Variants in ZNF385D observed in about 807,000 individuals in gnomAD.
ZNF385D encodes zinc finger protein 385D.
A neutral mutation model predicts 35.8 loss-of-function variants in ZNF385D; 15 were observed. The ratio of observed to expected loss-of-function variants is 0.42; its 90% confidence interval spans 0.28 to 0.64. The LOEUF (loss-of-function observed/expected upper bound fraction) is 0.64. ZNF385D is among the 30% of genes least tolerant of loss of function. ZNF385D has a pLI of 0.23. For synonymous variants in ZNF385D, 212 were observed against 186.8 expected (o/e 1.13, Z -1.10); for missense variants, 474 against 494.6 (o/e 0.96, Z 0.39).
At chr3:22,030,045 A>G (rs1697838141) in intron 3 of ZNF385D, among the ~76,000 whole-genome samples, 1 of 151,534 alleles carries the variant, frequency 6.6e-6, no homozygotes, top group Non-Finnish European at 1.5e-5. Flanking sequence ...GCCAGCAAAT[A>G]TAAAGCATGC....
At chr3:21,945,155 T>TATAC (rs753082714) in intron 3 of ZNF385D, among the ~76,000 whole-genome samples, 5 of 94,038 alleles carry the variant, frequency 5.3e-5, no homozygotes, top group African/African-American at 1.8e-4. Flanking sequence ...CATATATATA[T>TATAC]ACACACACAT....
At chr3:21,783,521 C>T (rs2071572515) in intron 3 of ZNF385D, among the ~76,000 whole-genome samples, 1 of 152,060 alleles carries the variant, frequency 6.6e-6, no homozygotes, top group Non-Finnish European at 1.5e-5. Context: ...CTACCTAGAG[C>T]ATAAATTCAG....
Position 21,657,554 on chromosome 3 carries a change from A to G in ZNF385D, c.165+7332T>C, listed in dbSNP as rs140720845. On this transcript the variant is annotated intron_variant, in intron 2 of 7. Transcript: ENST00000281523. ...AGCTTGTGTTATACAAATATGACAC[A>G]GTTAATGAACAGAACTAGAGAGCAA... 2.0e-3 allele frequency among the ~76,000 whole-genome samples: 301 copies of G among 152,104 alleles called. 1 individual carries two copies. The highest frequency in any genetic ancestry group is 7.0e-3 in the African/African-American group (289 of 41,568).
intron 3 of ZNF385D, among the ~76,000 whole-genome samples, chr3:22,100,829 A>G (rs1701898188): frequency 6.6e-6 from 1 of 151,978 alleles, no homozygotes; most frequent in Non-Finnish European, 1.5e-5. Flanking sequence ...AACTTAAAGT[A>G]TAATAATATT....
In ZNF385D at chr3:22,100,147, C is replaced by G. The variant is rs549414360; in HGVS notation, c.325+68670G>C. On this transcript the variant is annotated intron_variant, in intron 3 of 5. Coordinates refer to the ZNF385D transcript ENST00000494108. ...ACCACAATGAGATATCATCTCACAC[C>G]AGTTAGAATGGCAATCATTAAAAAG... Among the ~76,000 whole-genome samples, 400 of 144,908 alleles carry G rather than the reference C, an allele frequency of 2.8e-3. 3 individuals are homozygous for G. Among genetic ancestry groups the G allele is most frequent in the African/African-American group, 0.01 (378 of 37,702 alleles).
At chr3:22,059,485 T>A (rs1334897343) in intron 3 of ZNF385D, among the ~76,000 whole-genome samples, 2 of 152,182 alleles carry the variant, frequency 1.3e-5, no homozygotes, top group African/African-American at 4.8e-5. Flanking sequence ...CAAAATAAGA[T>A]AAGCGATGAG....
chr3:21,822,559 C>A (rs375982982), intron 3 of ZNF385D, among the ~76,000 whole-genome samples: 6 of 152,152 alleles, frequency 3.9e-5, no homozygotes, highest in African/African-American at 1.4e-4. Flanking sequence ...TCCTACAACT[C>A]ACTGATTCTA....
chr3:22,163,906 T>C (rs546947890), intron 3 of ZNF385D, among the ~76,000 whole-genome samples: 1 of 152,306 alleles, frequency 6.6e-6, no homozygotes, highest in East Asian at 1.9e-4. Context: ...AAGGATGATG[T>C]GCTTACTAAG....
chr3:21,742,330 T>C (rs2069555461), intron 1 of ZNF385D, among the ~76,000 whole-genome samples: 1 of 152,246 alleles, frequency 6.6e-6, no homozygotes. Flanking sequence ...ATACTTCCTT[T>C]CCCTCTTAAG....
At chr3:22,152,720 C>G (rs1437883026) in intron 3 of ZNF385D, among the ~76,000 whole-genome samples, 2 of 152,196 alleles carry the variant, frequency 1.3e-5, no homozygotes, top group Non-Finnish European at 2.9e-5. Context: ...ACCTCTTCAT[C>G]TCAAGACCAT....
chr3:22,209,450 AT>A (rs1553629678), intron 2 of ZNF385D, among the ~76,000 whole-genome samples: 1 of 151,856 alleles, frequency 6.6e-6, no homozygotes, highest in African/African-American at 2.4e-5. Context: ...ATTATTAATG[AT>A]TTTTAAGTCC....
chr3:21,887,713 T>C (rs1425029080), intron 3 of ZNF385D, among the ~76,000 whole-genome samples: 1 of 152,038 alleles, frequency 6.6e-6, no homozygotes, highest in Non-Finnish European at 1.5e-5. Flanking sequence ...AAATTTAAAA[T>C]CAGACAACAA....
chr3:21,515,580 G>C (rs950794997), intron 3 of ZNF385D, among the ~76,000 whole-genome samples: 2 of 152,202 alleles, frequency 1.3e-5, no homozygotes, highest in Non-Finnish European at 2.9e-5. Context: ...CCTTTGCAAA[G>C]ATTACAAAAG....
chr3:22,136,155 G>A (rs148657435), intron 3 of ZNF385D, among the ~76,000 whole-genome samples: 349 of 152,270 alleles, frequency 2.3e-3, no homozygotes, highest in Non-Finnish European at 3.5e-3. Flanking sequence ...AGGCCAAGGC[G>A]GATGGATCGC....
intron 3 of ZNF385D, among the ~76,000 whole-genome samples, chr3:21,804,259 T>C (rs1156545993): frequency 2.0e-5 from 3 of 152,220 alleles, no homozygotes. Context: ...TTCACAATTA[T>C]TGCCCTTTAT....
intron 3 of ZNF385D, among the ~76,000 whole-genome samples, chr3:21,925,057 A>G (rs993989216): frequency 1.3e-5 from 2 of 152,224 alleles, no homozygotes; most frequent in Non-Finnish European, 2.9e-5. Context: ...GGAAGAACAC[A>G]GTAAGGATGC....
rs576307934 is a variant in ZNF385D at position 21,698,632 on chromosome 3, G to A, written c.23-33604C>T. ...TCCAGAATCTACAAAGAACTTAAGC[G>A]AATTTCCAAGAAAAAAAACAAACAA... On this transcript the variant is annotated intron_variant, in intron 1 of 7. Coordinates refer to ENST00000281523, the MANE Select transcript of ZNF385D (RefSeq NM_024697.3). Among the ~76,000 whole-genome samples the A allele has an allele frequency of 3.5e-3, 485 of 137,972 alleles. 2 individuals carry two copies. Among genetic ancestry groups the A allele is most frequent in the African/African-American group, 0.013 (466 of 35,514 alleles). The allele number at this position is 137,972 out of a possible 152,430, so 90.5% of individuals were successfully genotyped here.
At chr3:22,271,294 G>C (rs1171810830) in intron 2 of ZNF385D, among the ~76,000 whole-genome samples, 3 of 151,958 alleles carry the variant, frequency 2.0e-5, no homozygotes, top group Non-Finnish European at 4.4e-5. Flanking sequence ...CAGAGATATA[G>C]AAGAAAAAGA....
At chr3:22,236,524 G>A (rs1223409343) in intron 2 of ZNF385D, among the ~76,000 whole-genome samples, 1 of 152,052 alleles carries the variant, frequency 6.6e-6, no homozygotes, top group African/African-American at 2.4e-5. Flanking sequence ...ACAGTATTAT[G>A]CCTGTCTAAA....
Sources: allele counts gnomAD v4.1 joint callset (sites outside exome capture counted in the v4.1 genomes callset), GRCh38; gene constraint gnomAD v4.1.1; transcripts MANE v1.5; gene names NCBI Gene and HGNC (gene_info 2026-07-23, HGNC 2026-07-21).